POU6F2: variants seen among roughly 807,000 people sequenced by gnomAD.
POU6F2 encodes POU domain, class 6, transcription factor 2.
A neutral mutation model predicts 71.3 loss-of-function variants in POU6F2; 31 were observed. The observed-to-expected ratio is 0.43, with a 90% confidence interval of 0.33 to 0.59. POU6F2 has a LOEUF of 0.59. Ranked by LOEUF, POU6F2 falls within the 20% of genes least tolerant of loss-of-function variation. The probability of loss-of-function intolerance (pLI) is 0.04; values close to 1 mark genes in which losing one functional copy is unlikely to be tolerated. For missense variants in POU6F2, 783 were observed against 856.8 expected (o/e 0.91, Z 1.07); for synonymous variants, 347 against 355.7 (o/e 0.98, Z 0.27).
At chr7:39,185,286 A>G (rs1793509858) in intron 2 of POU6F2, among the ~76,000 whole-genome samples, 2 of 151,872 alleles carry the variant, frequency 1.3e-5, no homozygotes, top group Admixed American at 6.6e-5. Context: ...TACAGCAAAT[A>G]CTCCTGGGCT....
chr7:39,167,127 C>T (rs1016018008), intron 2 of POU6F2, among the ~76,000 whole-genome samples: 2 of 151,916 alleles, frequency 1.3e-5, no homozygotes, highest in African/African-American at 4.8e-5. Context: ...TGCATAAAGA[C>T]AGACAGATAA....
At chr7:39,171,580 G>GA (rs1330986054) in intron 2 of POU6F2, among the ~76,000 whole-genome samples, 1 of 151,998 alleles carries the variant, frequency 6.6e-6, no homozygotes, top group Non-Finnish European at 1.5e-5. Flanking sequence ...GGATTAAAAA[G>GA]AAAAAAAGAT....
At chr7:39,110,924 T>C (rs1363460022) in intron 2 of POU6F2, among the ~76,000 whole-genome samples, 2 of 152,200 alleles carry the variant, frequency 1.3e-5, no homozygotes, top group African/African-American at 2.4e-5. Context: ...AACACTATCA[T>C]TGGTGATAGA....
At position 39,426,177 on chromosome 7, in the gene POU6F2, G is replaced by T. The variant is rs142428841; in HGVS notation, c.1114-6900G>T. Among the ~76,000 whole-genome samples the T allele has an allele frequency of 1.2e-3, 178 of 152,306 alleles. 1 individual carries two copies. The highest frequency in any genetic ancestry group is 2.2e-3 in the Admixed American group (34 of 15,304). ...GATGCTCTCGACCAGTCAGGTTGAG[G>T]TGAGGAAAGGAGAGACCAGCGGATA... is the stretch of plus-strand genomic sequence containing the variant. On this transcript the variant is annotated intron_variant, in intron 6 of 9. Coordinates refer to ENST00000518318, the MANE Select transcript of POU6F2 (RefSeq NM_001370959.1).
At chr7:39,253,606 G>A (rs968387856) in intron 4 of POU6F2, among the ~76,000 whole-genome samples, 7 of 152,096 alleles carry the variant, frequency 4.6e-5, no homozygotes, top group Non-Finnish European at 8.8e-5. Context: ...GCTGCCCATC[G>A]CCTAAATGAG....
chr7:39,247,444 C>G (rs917115405), intron 4 of POU6F2, among the ~76,000 whole-genome samples: 6 of 151,692 alleles, frequency 4.0e-5, no homozygotes, highest in South Asian at 2.1e-4. Flanking sequence ...GAGTGAGACT[C>G]TGTCTCAAAG....
chr7:39,398,864 T>G (rs1485622984), intron 5 of POU6F2, among the ~76,000 whole-genome samples: 3 of 152,232 alleles, frequency 2.0e-5, no homozygotes, highest in African/African-American at 7.2e-5. Flanking sequence ...TATTATCTCA[T>G]ATATTCTTCA....
chr7:39,061,344 T>C (rs954977147), intron 1 of POU6F2, among the ~76,000 whole-genome samples: 1 of 152,178 alleles, frequency 6.6e-6, no homozygotes, highest in Non-Finnish European at 1.5e-5. Context: ...CCTCTTAGGA[T>C]AATCGTGGCT....
intron 1 of POU6F2, among the ~76,000 whole-genome samples, chr7:39,063,196 C>G (rs1790692632): frequency 6.6e-6 from 1 of 151,988 alleles, no homozygotes; most frequent in Non-Finnish European, 1.5e-5. Context: ...TTAGAAAATT[C>G]TTTGGCATCC....
intron 1 of POU6F2, among the ~76,000 whole-genome samples, chr7:39,039,850 T>C (rs112326353): frequency 1.6e-3 from 239 of 150,586 alleles, no homozygotes; most frequent in African/African-American, 5.7e-3. Flanking sequence ...AAACCAGAAG[T>C]TTGACTGGGG....
At chr7:39,386,117 CAAAAAAAAA>C (rs531818996) in intron 5 of POU6F2, among the ~76,000 whole-genome samples, 4 of 91,304 alleles carry the variant, frequency 4.4e-5, no homozygotes, top group South Asian at 3.5e-4. Flanking sequence ...GACTCCGTCT[CAAAAAAAAA>C]AAAAAAAAAG....
intron 1 of POU6F2, among the ~76,000 whole-genome samples, chr7:39,007,508 C>G (rs1376425326): frequency 6.6e-6 from 1 of 152,122 alleles, no homozygotes; most frequent in Non-Finnish European, 1.5e-5. Flanking sequence ...CTAATTGCTT[C>G]TTTTAAATTA....
chr7:39,452,573 A>G (rs1788686677), intron 8 of POU6F2, among the ~76,000 whole-genome samples: 1 of 152,242 alleles, frequency 6.6e-6, no homozygotes, highest in South Asian at 2.1e-4. Flanking sequence ...GTCAAGTGTC[A>G]TGAATGACCT....
chr7:39,438,337 A>G (rs1030463286), intron 7 of POU6F2, among the ~76,000 whole-genome samples: 1 of 152,222 alleles, frequency 6.6e-6, no homozygotes, highest in Non-Finnish European at 1.5e-5. Context: ...TTCTTAATCC[A>G]GTCTATCATT....
At chr7:39,366,440 T>C (rs73386440) in intron 5 of POU6F2, among the ~76,000 whole-genome samples, 1,796 of 152,256 alleles carry the variant, frequency 0.012, 25 homozygotes, top group African/African-American at 0.042. Context: ...GAGCAAAGGC[T>C]TCAAGGAATG....
At position 39,229,989 on chromosome 7, in the gene POU6F2, C is replaced by G. The variant is rs561294587; in HGVS notation, c.598+22369C>G. 5.3e-5 allele frequency among the ~76,000 whole-genome samples: 8 copies of G among 152,306 alleles called. No individual in the cohort carries two copies. The East Asian group carries it at 1.2e-3, about 22-fold the overall frequency. ...TCCAGGCATTATCCTCCTCACTGTT[C>G]GTGGTAGTCAACCAAGGCACAGATG... On this transcript the variant is annotated intron_variant, in intron 4 of 9. Coordinates refer to ENST00000518318, the MANE Select transcript of POU6F2 (RefSeq NM_001370959.1).
At chr7:39,057,522 G>A (rs1315631339) in intron 1 of POU6F2, among the ~76,000 whole-genome samples, 2 of 151,950 alleles carry the variant, frequency 1.3e-5, no homozygotes, top group Admixed American at 6.6e-5. Context: ...GCAGTTATTA[G>A]TGTCAGCTTT....
At chr7:39,458,077 A>C (rs751957115) in intron 8 of POU6F2, among the ~76,000 whole-genome samples, 9 of 130,630 alleles carry the variant, frequency 6.9e-5, no homozygotes, top group Non-Finnish European at 1.4e-4. Flanking sequence ...TTGATGTACT[A>C]TGGCCCTTTG....
intron 5 of POU6F2, among the ~76,000 whole-genome samples, chr7:39,341,869 G>A (rs2115628248): frequency 6.6e-6 from 1 of 152,306 alleles, no homozygotes; most frequent in Admixed American, 6.5e-5. Flanking sequence ...TTTAGATGAA[G>A]TGACCACGCA....
Sources: gnomAD v4.1 joint callset for allele counts (sites outside exome capture counted in the v4.1 genomes callset) on GRCh38, gnomAD v4.1.1 for gene constraint, MANE v1.5 for transcripts, NCBI Gene and HGNC (gene_info 2026-07-23, HGNC 2026-07-21) for gene names.